IGBP1C: variants seen among roughly 807,000 people sequenced by gnomAD.
IGBP1C encodes the protein immunoglobulin-binding protein 1 family member C.
At chr17:58,667,090 C>T in the IGBP1C span, among the ~76,000 whole-genome samples, 1 of 152,200 alleles carries the variant, frequency 6.6e-6, no homozygotes, top group African/African-American at 2.4e-5. Flanking sequence ...CTAAGGCCTT[C>T]GGATCTCCCT....
At chr17:58,666,544 A>T in the IGBP1C span, 2 of 151,198 alleles carry the variant, frequency 1.3e-5, no homozygotes, top group Admixed American at 1.3e-4. Flanking sequence ...AACCAGCAGC[A>T]AGTGCGAACG....
chr17:58,661,021 T>C, the IGBP1C span: 1 of 1,158,060 alleles, frequency 8.6e-7, no homozygotes, highest in African/African-American at 1.5e-5. Context: ...GAAGATAATA[T>C]TCACGAACAC....
chr17:58,687,282 A>G, the IGBP1C span, among the ~76,000 whole-genome samples: 1 of 151,784 alleles, frequency 6.6e-6, no homozygotes, highest in Non-Finnish European at 1.5e-5. Flanking sequence ...CTCCCTTCTC[A>G]CTATCTCTTT....
chr17:58,691,869 G>A, the IGBP1C span: 3 of 152,162 alleles, frequency 2.0e-5, no homozygotes, highest in Non-Finnish European at 4.4e-5. Flanking sequence ...AGGAGCTCTT[G>A]TGTAGCCCAG....
the IGBP1C span, among the ~76,000 whole-genome samples, chr17:58,690,059 C>T: frequency 6.6e-6 from 1 of 151,852 alleles, no homozygotes; most frequent in African/African-American, 2.4e-5. Flanking sequence ...TCATGTTAGC[C>T]AGGATGGTCT....
At chr17:58,688,781 T>G in the IGBP1C span, among the ~76,000 whole-genome samples, 3 of 152,152 alleles carry the variant, frequency 2.0e-5, no homozygotes, top group African/African-American at 7.2e-5. Flanking sequence ...TAACCTCAAG[T>G]TGCAAGAAAA....
At chr17:58,661,447 A>G in the IGBP1C span, 1 of 793,206 alleles carries the variant, frequency 1.3e-6, no homozygotes, top group Non-Finnish European at 2.3e-6. Flanking sequence ...CAACCTTGTC[A>G]AGGAGGTCGA....
At chr17:58,689,960 C>T in the IGBP1C span, among the ~76,000 whole-genome samples, 2 of 151,464 alleles carry the variant, frequency 1.3e-5, no homozygotes, top group African/African-American at 4.9e-5. Flanking sequence ...TGCAATTCTC[C>T]TGCCTCAGCC....
At chr17:58,688,962 G>A in the IGBP1C span, among the ~76,000 whole-genome samples, 2 of 151,590 alleles carry the variant, frequency 1.3e-5, no homozygotes, top group Admixed American at 6.6e-5. Flanking sequence ...ATGGAGTCTC[G>A]CTCTGTCACA....
the IGBP1C span, among the ~76,000 whole-genome samples, chr17:58,685,209 G>A: frequency 1.3e-5 from 2 of 149,132 alleles, no homozygotes; most frequent in African/African-American, 4.9e-5. Flanking sequence ...CGAGGTGGGT[G>A]GATCACCTGA....
At chr17:58,673,059 A>T in the IGBP1C span, among the ~76,000 whole-genome samples, 25 of 151,844 alleles carry the variant, frequency 1.6e-4, no homozygotes, top group Non-Finnish European at 2.8e-4. Flanking sequence ...TACTTTTTTT[A>T]AAAAAAATTT....
At chr17:58,688,938 TA>T in the IGBP1C span, among the ~76,000 whole-genome samples, 11 of 152,146 alleles carry the variant, frequency 7.2e-5, no homozygotes, top group Non-Finnish European at 1.0e-4. Context: ...TCTATACATA[TA>T]TTTTTTTTTG....
chr17:58,687,601 G>C, the IGBP1C span, among the ~76,000 whole-genome samples: 1 of 151,978 alleles, frequency 6.6e-6, no homozygotes, highest in Non-Finnish European at 1.5e-5. Context: ...CCAAAATGCT[G>C]GGATTACAGG....
the IGBP1C span, chr17:58,675,556 C>T: frequency 6.6e-6 from 1 of 152,212 alleles, no homozygotes; most frequent in Admixed American, 6.5e-5. Context: ...ATCTCTGGCT[C>T]TTTCTAAAAA....
chr17:58,661,667 AT>A, the IGBP1C span: 2 of 619,194 alleles, frequency 3.2e-6, no homozygotes, highest in African/African-American at 1.8e-5. Flanking sequence ...TCTGGCGTAG[AT>A]TTCTAACAAC....
the IGBP1C span, among the ~76,000 whole-genome samples, chr17:58,684,812 TA>T: frequency 6.6e-6 from 1 of 150,884 alleles, no homozygotes; most frequent in Non-Finnish European, 1.5e-5. Flanking sequence ...CTGTCTCCAC[TA>T]AAAAATACAA....
chr17:58,690,903 A>G, the IGBP1C span, among the ~76,000 whole-genome samples: 1 of 152,288 alleles, frequency 6.6e-6, no homozygotes, highest in East Asian at 1.9e-4. Context: ...GTTTCACTCT[A>G]TCACCCAAGC....
the IGBP1C span, among the ~76,000 whole-genome samples, chr17:58,689,523 C>A: frequency 6.6e-6 from 1 of 152,030 alleles, no homozygotes; most frequent in South Asian, 2.1e-4. Context: ...CCGGCCTACC[C>A]CATGTTTTAT....
At chr17:58,685,377 A>G in the IGBP1C span, among the ~76,000 whole-genome samples, 3 of 150,796 alleles carry the variant, frequency 2.0e-5, no homozygotes, top group Non-Finnish European at 4.4e-5. Context: ...TGGAGGTTGC[A>G]GTGAGCCGAG....
Sources: allele counts gnomAD v4.1 joint callset (sites outside exome capture counted in the v4.1 genomes callset), GRCh38; gene constraint gnomAD v4.1.1; transcripts MANE v1.5; gene names NCBI Gene and HGNC (gene_info 2026-07-23, HGNC 2026-07-21).